Variants in TXNRD2 observed in about 807,000 individuals in gnomAD.
The protein encoded by TXNRD2 is thioredoxin reductase 2, also known as thioredoxin reductase 2, mitochondrial.
Under a neutral mutation model 70.8 loss-of-function variants are expected in TXNRD2, and 67 were observed. The ratio of observed to expected loss-of-function variants is 0.95; its 90% CI spans 0.78 to 1.16. TXNRD2 has a LOEUF of 1.16. TXNRD2 is among the 50% of genes most tolerant of loss of function. The pLI is 0.00. For missense variants in TXNRD2, 644 were observed against 719.9 expected, an observed-to-expected ratio of 0.89 and a Z score of 1.21; for synonymous variants, 301 against 295.8, an observed-to-expected ratio of 1.02 and a Z score of -0.18.
intron 11 of TXNRD2, chr22:19,893,881 C>T (rs1165159938): frequency 1.3e-5 from 2 of 152,252 alleles, no homozygotes; most frequent in East Asian, 3.8e-4. Flanking sequence ...CACTGGGAAA[C>T]ACTGAAAGCC....
intron 2 of TXNRD2, among the ~76,000 whole-genome samples, chr22:19,922,982 C>A (rs567292763): frequency 1.3e-5 from 2 of 152,114 alleles, no homozygotes; most frequent in African/African-American, 4.8e-5. Flanking sequence ...CCACCATGCC[C>A]GGCCAGGAAG....
intron 2 of TXNRD2, among the ~76,000 whole-genome samples, chr22:19,927,848 C>G (rs1222507326): frequency 6.6e-6 from 1 of 152,010 alleles, no homozygotes; most frequent in East Asian, 1.9e-4. Context: ...AGTTCCTGAA[C>G]CCAGTCGTCC....
At chr22:19,937,200 AT>A (rs949918199) in intron 1 of TXNRD2, among the ~76,000 whole-genome samples, 1 of 152,086 alleles carries the variant, frequency 6.6e-6, no homozygotes, top group African/African-American at 2.4e-5. Context: ...TGGCATTCCA[AT>A]TACTCAGGCT....
chr22:19,931,987 C>T (rs1005616000), intron 1 of TXNRD2, among the ~76,000 whole-genome samples: 1 of 151,678 alleles, frequency 6.6e-6, no homozygotes, highest in East Asian at 2.0e-4. Context: ...AGTGAAACCC[C>T]GTCTCTACTA....
intron 8 of TXNRD2, among the ~76,000 whole-genome samples, chr22:19,907,038 C>T (rs1241241276): frequency 1.0e-4 from 9 of 88,184 alleles, no homozygotes; most frequent in Admixed American, 3.0e-4. Context: ...TAGCAGTGAC[C>T]GCTCTCAGGA....
At chr22:19,915,993 A>G in intron 5 of TXNRD2, 150 bp from the exon 6 acceptor site, 1 of 697,694 alleles carries the variant, frequency 1.4e-6, no homozygotes, top group Non-Finnish European at 2.5e-6. Context: ...AGCGGCAACC[A>G]TGCTGAGAAG....
intron 5 of TXNRD2, among the ~76,000 whole-genome samples, chr22:19,917,008 C>A (rs1184224275): frequency 1.3e-5 from 2 of 152,240 alleles, no homozygotes; most frequent in African/African-American, 4.8e-5. Flanking sequence ...AAGCCTGTGC[C>A]TCTATGGGCT....
chr22:19,898,761 C>T (rs923324167), intron 9 of TXNRD2, among the ~76,000 whole-genome samples: 4 of 152,062 alleles, frequency 2.6e-5, no homozygotes, highest in African/African-American at 4.8e-5. Flanking sequence ...GTCTAATTGT[C>T]CCTTCTGAAG....
At chr22:19,935,683 T>C (rs969136384) in intron 1 of TXNRD2, among the ~76,000 whole-genome samples, 1 of 152,212 alleles carries the variant, frequency 6.6e-6, no homozygotes, top group Non-Finnish European at 1.5e-5. Flanking sequence ...AAAATTCCTC[T>C]TTGTACTCTT....
At chr22:19,935,177 T>C (rs1197842120) in intron 1 of TXNRD2, among the ~76,000 whole-genome samples, 2 of 152,176 alleles carry the variant, frequency 1.3e-5, no homozygotes, top group African/African-American at 4.8e-5. Context: ...GCTAAATTCT[T>C]TTCCTAGCAA....
At chr22:19,926,151 G>A (rs1308200421) in intron 2 of TXNRD2, among the ~76,000 whole-genome samples, 9 of 134,460 alleles carry the variant, frequency 6.7e-5, no homozygotes, top group African/African-American at 1.1e-4. Context: ...CAACAAGAGC[G>A]AAACTCCGTC....
intron 8 of TXNRD2, among the ~76,000 whole-genome samples, chr22:19,910,211 G>C (rs1940345004): frequency 6.6e-6 from 1 of 152,234 alleles, no homozygotes; most frequent in Non-Finnish European, 1.5e-5. Context: ...CCCACTCTGT[G>C]GGCATCGGAA....
At chr22:19,930,914 G>A (rs1941333367) in intron 2 of TXNRD2, 116 bp downstream of exon 2, 1 of 909,264 alleles carries the variant, frequency 1.1e-6, no homozygotes, top group Non-Finnish European at 1.8e-6. Flanking sequence ...GGCCACTGGG[G>A]TGACCCCAGC....
intron 2 of TXNRD2, among the ~76,000 whole-genome samples, chr22:19,930,186 G>C (rs192935966): frequency 2.6e-5 from 4 of 152,300 alleles, no homozygotes; most frequent in African/African-American, 9.6e-5. Flanking sequence ...CACAGAGCAA[G>C]AGTAGTGGAT....
At chr22:19,885,772 G>A (rs1237924220) in intron 11 of TXNRD2, among the ~76,000 whole-genome samples, 1 of 152,244 alleles carries the variant, frequency 6.6e-6, no homozygotes, top group African/African-American at 2.4e-5. Flanking sequence ...TGCCTGGCTG[G>A]TCCTGGGAAG....
In TXNRD2 at chr22:19,878,428, C is replaced by T. The variant is rs767323099; in HGVS notation, c.1285G>A (p.Ala429Thr). 1.9e-5 allele frequency: 30 copies of T among 1,613,604 alleles called. No homozygotes were observed. The East Asian group carries it at 3.3e-4, about 18-fold the overall frequency. ...GTGAACTCCAGTGGTTTATAATGGG[C>T]GTGATAGACCTGAGGACAGGATACC... ...HGQEHVEVYH[A>T]HYKPLEFTVA... The change falls in exon 15 of 18, where the codon GCC becomes ACC. Residue 429 changes from alanine to threonine, a missense_variant. By Grantham distance (58) the Ala-to-Thr change is moderately conservative. Transcript: ENST00000400521.
chr22:19,932,679 T>A (rs1038751208), intron 1 of TXNRD2: 16 of 910,894 alleles, frequency 1.8e-5, no homozygotes, highest in Admixed American at 3.3e-5. Context: ...ATAAAACAAG[T>A]AGTGCCCTCA....
chr22:19,903,830 A>G lies in TXNRD2; in HGVS notation c.663-4762T>C, dbSNP rs1366418040. The stretch of plus-strand genomic sequence containing the variant: ...TGGAAGGTTTGGTTTGCAAGGCTGC[A>G]TGCCCCCTCTGAGCCTAGTCATTTG... On this transcript the variant is annotated intron_variant, in intron 8 of 17. Coordinates refer to ENST00000400521, the MANE Select transcript of TXNRD2 (RefSeq NM_006440.5). 3.3e-5 allele frequency among the ~76,000 whole-genome samples: 5 copies of G among 152,316 alleles called. No individual in the cohort carries two copies. The South Asian group carries it at 6.2e-4, about 19-fold the overall frequency.
intron 2 of TXNRD2, among the ~76,000 whole-genome samples, 171 bp from the exon 3 acceptor site, chr22:19,919,770 C>T (rs542787281): frequency 1.8e-4 from 27 of 152,194 alleles, no homozygotes; most frequent in African/African-American, 4.3e-4. Flanking sequence ...TCTGCCTCTG[C>T]GCTCTGGCCT....
Sources: gnomAD v4.1 joint callset for allele counts (sites outside exome capture counted in the v4.1 genomes callset) on GRCh38, gnomAD v4.1.1 for gene constraint, MANE v1.5 for transcripts, NCBI Gene and HGNC (gene_info 2026-07-23, HGNC 2026-07-21) for gene names.